The following FBRSL1 variants were observed in gnomAD, a reference collection of about 807,000 sequenced individuals.
FBRSL1 encodes the protein fibrosin-1-like protein.
A neutral mutation model predicts 89.6 loss-of-function variants in FBRSL1; 51 were observed. That is an observed-to-expected ratio of 0.57 (90% CI 0.45 to 0.72). The LOEUF (loss-of-function observed/expected upper bound fraction) is 0.72. Ranked by LOEUF, FBRSL1 falls within the 30% of genes least tolerant of loss-of-function variation. The pLI, the probability that FBRSL1 is intolerant of heterozygous loss-of-function variation, is 0.00. For missense variants in FBRSL1, 1,618 were observed against 1,451.8 expected, an observed-to-expected ratio of 1.11 and a Z score of -1.86; for synonymous variants, 779 against 681.1, an observed-to-expected ratio of 1.14 and a Z score of -2.24.
At chr12:132,536,264 T>C (rs948961264) in intron 4 of FBRSL1, among the ~76,000 whole-genome samples, 29 of 151,570 alleles carry the variant, frequency 1.9e-4, no homozygotes, top group African/African-American at 7.0e-4. Context: ...TCGTGCCATG[T>C]GTACATGATG....
rs1305634441 is a variant in FBRSL1 at position 132,584,367 on chromosome 12, AC to A, written c.*590del. On this transcript the variant is annotated 3_prime_UTR_variant, in exon 19 of 19. Coordinates refer to ENST00000680143, the MANE Select transcript of FBRSL1 (RefSeq NM_001367871.1). ...GTTTGTTTTTTTAAAAGCAAACGAA[AC>A]GTGTAAATAGTCTGTTGATATAAAT... 1 of 152,186 alleles carries A rather than the reference AC, an allele frequency of 6.6e-6. No individual in the cohort carries two copies. The highest frequency in any genetic ancestry group is 2.4e-5 in the African/African-American group (1 of 41,434). 9.4% of individuals were successfully genotyped at this position (152,186 alleles called of 1,614,324 possible).
chr12:132,574,344 TCAAGGTGAG>T lies in FBRSL1; in HGVS notation c.1628_1629+7del, dbSNP rs1207197185. ...GTGTCTGACCCGTACCGGGCGGTGG[TCAAGGTGAG>T]CACGTGTTGGGAAGGCCCGTGGCAA... On this transcript the variant is annotated splice_donor_variant and splice_donor_5th_base_variant and coding_sequence_variant and intron_variant, in exon 13 of 19. Transcript: ENST00000680143. LOFTEE classifies it high-confidence loss of function. The T allele has an allele frequency of 9.7e-6, 15 of 1,549,256 alleles. No individual in the cohort carries two copies. The highest frequency in any genetic ancestry group is 2.7e-5 in the African/African-American group (2 of 72,872).
chr12:132,507,499 A>G, intron 1 of FBRSL1: 1 of 895,696 alleles, frequency 1.1e-6, no homozygotes, highest in Non-Finnish European at 1.3e-6. Flanking sequence ...TCCGCAGGCT[A>G]GAAGGTGCTC....
chr12:132,509,339 C>T, intron 2 of FBRSL1: 2 of 1,247,978 alleles, frequency 1.6e-6, no homozygotes, highest in East Asian at 3.2e-5. Flanking sequence ...AGCGGCCACT[C>T]CTGGGTCAGC....
chr12:132,558,452 T>C lies in FBRSL1; in HGVS notation c.646-9029T>C, dbSNP rs569234378. On this transcript the variant is annotated intron_variant, in intron 5 of 18. Coordinates refer to ENST00000680143, the MANE Select transcript of FBRSL1 (RefSeq NM_001367871.1). ...TTGCGGCATGCAGTGCGCCCGGAAG[T>C]GCCTATGTGGACACAGTGTGTGTGC... Among the ~76,000 whole-genome samples the C allele has an allele frequency of 3.2e-3, 494 of 152,314 alleles. 3 individuals are homozygous for C. Among genetic ancestry groups the C allele is most frequent in the African/African-American group, 0.011 (476 of 41,574 alleles).
At chr12:132,531,002 G>T (rs930158106) in intron 4 of FBRSL1, among the ~76,000 whole-genome samples, 4 of 150,554 alleles carry the variant, frequency 2.7e-5, no homozygotes, top group Non-Finnish European at 5.9e-5. Context: ...TGTGGGGGGG[G>T]GGGTGCAGGT....
intron 1 of FBRSL1, among the ~76,000 whole-genome samples, chr12:132,491,896 C>T (rs1406409235): frequency 2.0e-5 from 3 of 152,212 alleles, no homozygotes; most frequent in Admixed American, 6.5e-5. Context: ...CCCAAGTGCA[C>T]GGACAGAGCT....
intron 5 of FBRSL1, among the ~76,000 whole-genome samples, chr12:132,549,104 T>C (rs1322591956): frequency 6.6e-6 from 1 of 152,042 alleles, no homozygotes; most frequent in Admixed American, 6.5e-5. Flanking sequence ...TCTGGGCGGT[T>C]CAGTTTTCGA....
Position 132,552,978 on chromosome 12 carries a change from G to A in FBRSL1, c.645+4946G>A, listed in dbSNP as rs1446933584. Reference sequence around the variant, plus strand: ...TTTGTTCTGTCCAGCCAGCGGCCCAGGCTGCGCCTTTGTTGTATCTGGCCG... The same window carrying A: ...TTTGTTCTGTCCAGCCAGCGGCCCAAGCTGCGCCTTTGTTGTATCTGGCCG... On this transcript the variant is annotated intron_variant, in intron 5 of 18. Transcript: ENST00000680143. 6 of 153,178 alleles carry A rather than the reference G, an allele frequency of 3.9e-5. No homozygotes were observed. The East Asian group carries it at 1.2e-3, about 30-fold the overall frequency. The allele number at this position is 153,178 out of a possible 1,614,324, so 9.5% of individuals were successfully genotyped here.
intron 2 of FBRSL1, among the ~76,000 whole-genome samples, chr12:132,514,583 G>A (rs1034997142): frequency 3.3e-5 from 5 of 152,180 alleles, no homozygotes; most frequent in Admixed American, 6.5e-5. Context: ...GTGCAAAGCT[G>A]TGGGGGGACT....
Position 132,571,197 on chromosome 12 carries a change from ACCCC to A in FBRSL1, c.1344_1347del (p.His448GlnfsTer29), listed in dbSNP as rs2039984707. Reference sequence around the variant, plus strand: ...CTGGGCCCGCACGTGGCGAGCGGCCACCCCGGCTTGGCCTGCCGACCCCGGGAGT... The same window carrying A: ...CTGGGCCCGCACGTGGCGAGCGGCCAGGCTTGGCCTGCCGACCCCGGGAGT... On this transcript the variant is annotated frameshift_variant, in exon 9 of 19. Coordinates refer to ENST00000680143, the MANE Select transcript of FBRSL1 (RefSeq NM_001367871.1). LOFTEE classifies it high-confidence loss of function. 7.0e-7 allele frequency: 1 copy of A among 1,434,544 alleles called. No homozygotes were observed. Among genetic ancestry groups the A allele is most frequent in the Non-Finnish European group, 9.2e-7 (1 of 1,091,104 alleles). The allele number at this position is 1,434,544 out of a possible 1,614,324, so 88.9% of individuals were successfully genotyped here.
chr12:132,579,833 G>T (rs146675292), intron 15 of FBRSL1, among the ~76,000 whole-genome samples: 2 of 152,204 alleles, frequency 1.3e-5, no homozygotes, highest in Non-Finnish European at 2.9e-5. Context: ...AGGCTTGGAG[G>T]CTCACAGTTC....
chr12:132,534,722 G>A (rs759374550), intron 4 of FBRSL1, among the ~76,000 whole-genome samples: 25 of 152,350 alleles, frequency 1.6e-4, no homozygotes, highest in African/African-American at 6.0e-4. Flanking sequence ...CTTTGCTGAC[G>A]TGCCTGGCTT....
intron 5 of FBRSL1, chr12:132,554,330 C>T (rs1450176904): frequency 2.6e-5 from 4 of 152,218 alleles, no homozygotes; most frequent in Non-Finnish European, 4.4e-5. Context: ...CCTGCACCCT[C>T]AGGAGGCCCA....
chr12:132,575,258 C>T (rs1175387312), intron 14 of FBRSL1, among the ~76,000 whole-genome samples: 5 of 152,204 alleles, frequency 3.3e-5, no homozygotes, highest in East Asian at 1.9e-4. Context: ...GACGGAGTCT[C>T]GCTCTGTCGC....
At chr12:132,575,010 C>T (rs1012664913) in intron 14 of FBRSL1, among the ~76,000 whole-genome samples, 1 of 151,956 alleles carries the variant, frequency 6.6e-6, no homozygotes, top group African/African-American at 2.4e-5. Flanking sequence ...GCGGGAGCCC[C>T]GCGGGCAGCT....
chr12:132,583,694 G>C lies in FBRSL1; in HGVS notation c.2925G>C (p.Arg975=), dbSNP rs1485802417. Residue 975 remains arginine, a synonymous_variant, in exon 19 of 19, where the codon CGG becomes CGC. Transcript: ENST00000680143. ...PPTPPGPPRS[R]TTPLGGLGPG... ...CGCCCCCCGGGCCGCCGCGGAGCCG[G>C]ACTACTCCGCTGGGGGGCCTCGGGC... 2.5e-6 allele frequency: 3 copies of C among 1,180,250 alleles called. No homozygotes were observed. The highest frequency in any genetic ancestry group is 3.1e-6 in the Non-Finnish European group (3 of 954,952). The allele number at this position is 1,180,250 out of a possible 1,614,324, so 73.1% of individuals were successfully genotyped here.
chr12:132,494,048 A>G (rs2031582910), intron 1 of FBRSL1, among the ~76,000 whole-genome samples: 1 of 152,066 alleles, frequency 6.6e-6, no homozygotes, highest in African/African-American at 2.4e-5. Flanking sequence ...GGCGCGGCAG[A>G]CCTGAGCCAG....
intron 3 of FBRSL1, among the ~76,000 whole-genome samples, chr12:132,527,322 G>A (rs975497515): frequency 2.6e-5 from 4 of 152,202 alleles, no homozygotes; most frequent in Non-Finnish European, 5.9e-5. Flanking sequence ...TTCTGGTGGG[G>A]CCTTCCCTCT....
Sources: gnomAD v4.1 joint callset for allele counts (sites outside exome capture counted in the v4.1 genomes callset) on GRCh38, gnomAD v4.1.1 for gene constraint, MANE v1.5 for transcripts, NCBI Gene and HGNC (gene_info 2026-07-23, HGNC 2026-07-21) for gene names.